CHTF8: variants seen among roughly 807,000 people sequenced by gnomAD.
CHTF8 encodes the protein chromosome transmission fidelity protein 8 homolog.
In CHTF8, 6 loss-of-function variants were observed where a neutral mutation model predicts 11.0. That is an observed-to-expected ratio of 0.55 (90% CI 0.30 to 1.08). The LOEUF (loss-of-function observed/expected upper bound fraction) is 1.08, where lower values mean the gene tolerates loss of function less well. Ranked by LOEUF, CHTF8 falls within the 50% of genes least tolerant of loss-of-function variation. CHTF8 has a pLI of 0.07. For synonymous variants in CHTF8, 53 were observed against 60.5 expected, an observed-to-expected ratio of 0.88 and a Z score of 0.57; for missense variants, 140 against 153.1, an observed-to-expected ratio of 0.91 and a Z score of 0.45.
At chr16:69,129,746 TATG>T (rs1445934540) in intron 1 of CHTF8, among the ~76,000 whole-genome samples, 9 of 152,202 alleles carry the variant, frequency 5.9e-5, no homozygotes, top group Non-Finnish European at 1.2e-4. Context: ...AGCACCTCTG[TATG>T]ATAACTTCCC....
intron 1 of CHTF8, among the ~76,000 whole-genome samples, chr16:69,124,147 C>G (rs1372850972): frequency 6.6e-6 from 1 of 151,574 alleles, no homozygotes; most frequent in Admixed American, 6.6e-5. Flanking sequence ...TCATTTTATA[C>G]AACAGCAGCA....
chr16:69,118,257 CAGG>C lies in CHTF8; in HGVS notation c.*2165_*2167del, dbSNP rs1380239719. On this transcript the variant is annotated 3_prime_UTR_variant, in exon 4 of 4. Coordinates refer to ENST00000448552, the MANE Select transcript of CHTF8 (RefSeq NM_001039690.5). Reference sequence around the variant, plus strand: ...CTTAAATCTGGCCACCTCTAAGTCCCAGGAGAAGGGAGCTGCAGGCCCAGTCAG... The same window carrying C: ...CTTAAATCTGGCCACCTCTAAGTCCCAGAAGGGAGCTGCAGGCCCAGTCAG... The C allele has an allele frequency of 5.0e-5, 39 of 782,820 alleles. No homozygotes were observed. The highest frequency in any genetic ancestry group is 3.9e-4 in the South Asian group (27 of 69,512). 48.5% of individuals were successfully genotyped at this position (782,820 alleles called of 1,614,324 possible).
intron 1 of CHTF8, among the ~76,000 whole-genome samples, chr16:69,123,256 A>T (rs569288843): frequency 5.9e-5 from 9 of 152,256 alleles, no homozygotes; most frequent in East Asian, 3.9e-4. Flanking sequence ...CATGTTTCTT[A>T]AAAAAGCCTA....
chr16:69,118,405 G>C lies in CHTF8; in HGVS notation c.*2020C>G. ...AGGATGACCAGGTCCAAGCTGCCCA[G>C]GTCAGAGCTACGGAAGCATGGTCCG... On this transcript the variant is annotated 3_prime_UTR_variant, in exon 4 of 4. Coordinates refer to ENST00000448552, the MANE Select transcript of CHTF8 (RefSeq NM_001039690.5). 2 of 1,613,792 alleles carry C rather than the reference G, an allele frequency of 1.2e-6. No individual in the cohort carries two copies. Among genetic ancestry groups the C allele is most frequent in the Non-Finnish European group, 8.5e-7 (1 of 1,179,698 alleles).
At chr16:69,121,191 G>A (rs1961627513) in intron 2 of CHTF8, 21 bp from the exon 3 acceptor site, 1 of 1,603,136 alleles carries the variant, frequency 6.2e-7, no homozygotes, top group African/African-American at 1.3e-5. Context: ...AGGGCTGGCG[G>A]TTACAATATT....
chr16:69,118,107 A>C lies in CHTF8; in HGVS notation c.*2318T>G. 5.8e-6 allele frequency: 3 copies of C among 519,684 alleles called. No homozygotes were observed. The highest frequency in any genetic ancestry group is 3.4e-5 in the East Asian group (1 of 29,018). 32.2% of individuals were successfully genotyped at this position (519,684 alleles called of 1,614,324 possible). A position where few individuals can be genotyped will look rare whatever the true frequency, so the allele number is the denominator to read the frequency against. ...ACACCAGGCCGAACAAAGCACAGTG[A>C]TTTCTTCCCTTCATCCCCCACCCCC... On this transcript the variant is annotated 3_prime_UTR_variant, in exon 4 of 4. Transcript: ENST00000448552.
chr16:69,126,785 ATAT>A (rs1962090139), intron 1 of CHTF8, among the ~76,000 whole-genome samples: 1 of 152,298 alleles, frequency 6.6e-6, no homozygotes, highest in Admixed American at 6.5e-5. Flanking sequence ...GCACCTTAAA[ATAT>A]CCTGTAACAC....
In CHTF8 at chr16:69,132,551, TCGCCGCCGC is replaced by T; in HGVS notation, c.-112_-104del. ...GCGACAACCGAACCTCCCGCCGCCG[TCGCCGCCGC>T]CGCGAGCACTGCCTGCGCACTTCCG... On this transcript the variant is annotated 5_prime_UTR_variant, in exon 1 of 4. Coordinates refer to ENST00000448552, the MANE Select transcript of CHTF8 (RefSeq NM_001039690.5). The T allele has an allele frequency of 8.2e-6, 3 of 364,544 alleles. No individual in the cohort carries two copies. The highest frequency in any genetic ancestry group is 1.8e-5 in the South Asian group (1 of 54,244). 22.6% of individuals were successfully genotyped at this position (364,544 alleles called of 1,614,324 possible). A position where few individuals can be genotyped will look rare whatever the true frequency, so the allele number is the denominator to read the frequency against.
At chr16:69,132,069 G>A (rs118052952) in intron 1 of CHTF8, 4,465 of 153,760 alleles carry the variant, frequency 0.029, 89 homozygotes, top group Non-Finnish European at 0.042. Flanking sequence ...ACCCCGGGAA[G>A]AGCCCCTTCC....
chr16:69,123,630 AGAGT>A (rs1191962108), intron 1 of CHTF8, among the ~76,000 whole-genome samples: 1 of 152,166 alleles, frequency 6.6e-6, no homozygotes, highest in African/African-American at 2.4e-5. Context: ...CCTGGGCGAC[AGAGT>A]GAGACTGTCT....
Position 69,118,778 on chromosome 16 carries a change from C to T in CHTF8, c.*1647G>A. The T allele has an allele frequency of 1.6e-6, 1 of 644,422 alleles. No individual in the cohort carries two copies. Among genetic ancestry groups the T allele is most frequent in the Non-Finnish European group, 2.8e-6 (1 of 358,388 alleles). The allele number at this position is 644,422 out of a possible 1,614,324, so 39.9% of individuals were successfully genotyped here. ...TCTTCAGACTGTAGCTCCACAACTACCCTTTTACCTAAGACAGCCCCTGCC... is the reference window on the plus strand; with the variant it reads ...TCTTCAGACTGTAGCTCCACAACTATCCTTTTACCTAAGACAGCCCCTGCC... On this transcript the variant is annotated 3_prime_UTR_variant, in exon 4 of 4. Coordinates refer to ENST00000448552, the MANE Select transcript of CHTF8 (RefSeq NM_001039690.5).
chr16:69,123,299 G>C (rs1961816994), intron 1 of CHTF8, among the ~76,000 whole-genome samples: 1 of 151,968 alleles, frequency 6.6e-6, no homozygotes, highest in South Asian at 2.1e-4. Flanking sequence ...TTTTTCTTTG[G>C]TAATGATGTA....
chr16:69,127,075 C>A (rs1962113185), intron 1 of CHTF8, among the ~76,000 whole-genome samples: 1 of 151,816 alleles, frequency 6.6e-6, no homozygotes, highest in Non-Finnish European at 1.5e-5. Context: ...CCATCTCTAC[C>A]AAAAATACAA....
At chr16:69,127,432 C>T (rs1962148982) in intron 1 of CHTF8, among the ~76,000 whole-genome samples, 1 of 152,050 alleles carries the variant, frequency 6.6e-6, no homozygotes, top group South Asian at 2.1e-4. Context: ...TCAATTCATT[C>T]CAGCAACACT....
intron 1 of CHTF8, among the ~76,000 whole-genome samples, chr16:69,127,672 C>G (rs997055664): frequency 3.5e-5 from 5 of 142,974 alleles, no homozygotes; most frequent in African/African-American, 1.3e-4. Flanking sequence ...TGCAGTGGCT[C>G]GATCTCAGCT....
At chr16:69,132,182 C>CT (rs1262120312) in intron 1 of CHTF8, 1 of 154,172 alleles carries the variant, frequency 6.5e-6, no homozygotes, top group Admixed American at 6.6e-5. Flanking sequence ...CGCTCGCTCC[C>CT]TTCCTTCCCT....
chr16:69,126,196 AG>A (rs1465074028), intron 1 of CHTF8, among the ~76,000 whole-genome samples: 1 of 152,234 alleles, frequency 6.6e-6, no homozygotes, highest in Non-Finnish European at 1.5e-5. Flanking sequence ...GGTATATTCT[AG>A]GAAGATCAAG....
Position 69,119,493 on chromosome 16 carries a change from G to A in CHTF8, c.*932C>T. On this transcript the variant is annotated 3_prime_UTR_variant, in exon 4 of 4. Coordinates refer to ENST00000448552, the MANE Select transcript of CHTF8 (RefSeq NM_001039690.5). Reference sequence around the variant, plus strand: ...AGCTAGGACCCGAGTTTGGGCCCATGGGGCCAGGTACTCTTGCCATGGAGG... The same window carrying A: ...AGCTAGGACCCGAGTTTGGGCCCATAGGGCCAGGTACTCTTGCCATGGAGG... 1 of 703,048 alleles carries A rather than the reference G, an allele frequency of 1.4e-6. No homozygotes were observed. The highest frequency in any genetic ancestry group is 1.5e-5 in the South Asian group (1 of 67,594). The allele number at this position is 703,048 out of a possible 1,614,324, so 43.6% of individuals were successfully genotyped here. A position where few individuals can be genotyped will look rare whatever the true frequency, so the allele number is the denominator to read the frequency against.
At chr16:69,122,365 C>CT (rs869246617) in intron 1 of CHTF8, among the ~76,000 whole-genome samples, 2,776 of 140,328 alleles carry the variant, frequency 0.02, 33 homozygotes, top group Middle Eastern at 0.03. Context: ...TAAGGATATT[C>CT]TTTTTTTTTT....
Sources: gnomAD v4.1 joint callset for allele counts (sites outside exome capture counted in the v4.1 genomes callset) on GRCh38, gnomAD v4.1.1 for gene constraint, MANE v1.5 for transcripts, NCBI Gene and HGNC (gene_info 2026-07-23, HGNC 2026-07-21) for gene names.